Variants in PSMD14 observed in about 807,000 individuals in gnomAD.
PSMD14 encodes the protein proteasome 26S subunit, non-ATPase 14.
In PSMD14, 7 loss-of-function variants were observed where a neutral mutation model predicts 41.2. That is an observed-to-expected ratio of 0.17 (90% CI 0.10 to 0.32). PSMD14 has a LOEUF of 0.32. Ranked by LOEUF, PSMD14 falls within the 10% of genes least tolerant of loss-of-function variation. The pLI is 1.00. For synonymous variants in PSMD14, 114 were observed against 122.3 expected (o/e 0.93, Z 0.45); for missense variants, 139 against 375.6 (o/e 0.37, Z 5.21).
rs761463053 is a variant in PSMD14 at position 161,411,432 on chromosome 2, A to G, written c.*32A>G. The G allele has an allele frequency of 6.8e-7, 1 of 1,463,558 alleles. No homozygotes were observed. Among genetic ancestry groups the G allele is most frequent in the East Asian group, 2.3e-5 (1 of 43,200 alleles). 90.7% of individuals were successfully genotyped at this position (1,463,558 alleles called of 1,614,324 possible). A position where few individuals can be genotyped will look rare whatever the true frequency, so the allele number is the denominator to read the frequency against. On this transcript the variant is annotated 3_prime_UTR_variant, in exon 12 of 12. Coordinates refer to ENST00000409682, the MANE Select transcript of PSMD14 (RefSeq NM_005805.6). ...GAAAAACGCTATTAATGATGCCTTC[A>G]GTGTATATTCCTCTGTTGTTCCTAA...
chr2:161,338,395 G>C (rs1324249675), intron 3 of PSMD14, among the ~76,000 whole-genome samples: 1 of 150,252 alleles, frequency 6.7e-6, no homozygotes, highest in Non-Finnish European at 1.5e-5. Flanking sequence ...TTTTATTTGG[G>C]CCTTTCTGAA....
intron 3 of PSMD14, among the ~76,000 whole-genome samples, chr2:161,346,048 A>AT (rs748272236): frequency 6.6e-6 from 1 of 151,926 alleles, no homozygotes; most frequent in Non-Finnish European, 1.5e-5. Flanking sequence ...CTCTCAGCTA[A>AT]TTTTTTGTAT....
intron 1 of PSMD14, among the ~76,000 whole-genome samples, chr2:161,313,598 C>T (rs149345050): frequency 0.033 from 4,986 of 152,284 alleles, 145 homozygotes; most frequent in Non-Finnish European, 0.051. Context: ...GATCTGCCTG[C>T]GTTGGCCTCC....
intron 8 of PSMD14, among the ~76,000 whole-genome samples, chr2:161,386,185 T>C (rs1683633307): frequency 6.6e-6 from 1 of 151,886 alleles, no homozygotes; most frequent in South Asian, 2.1e-4. Context: ...ATCATTCACA[T>C]GCCATGGTGT....
chr2:161,404,398 TCATAAGC>T (rs1559056363), intron 10 of PSMD14, among the ~76,000 whole-genome samples: 1 of 152,204 alleles, frequency 6.6e-6, no homozygotes, highest in Non-Finnish European at 1.5e-5. Flanking sequence ...AAGTGGCCAA[TCATAAGC>T]ACTGTTATTA....
intron 8 of PSMD14, among the ~76,000 whole-genome samples, chr2:161,389,312 C>G (rs577068669): frequency 6.6e-6 from 1 of 152,192 alleles, no homozygotes; most frequent in Non-Finnish European, 1.5e-5. Flanking sequence ...GCTCAAGCTC[C>G]ACTCTCTACG....
chr2:161,403,391 G>A (rs1683907405), intron 10 of PSMD14, among the ~76,000 whole-genome samples: 3 of 152,192 alleles, frequency 2.0e-5, no homozygotes, highest in Admixed American at 2.0e-4. Context: ...ACTTGGGCAA[G>A]GCAGGAATGG....
intron 10 of PSMD14, among the ~76,000 whole-genome samples, chr2:161,407,112 G>A (rs1218407555): frequency 6.6e-6 from 1 of 152,084 alleles, no homozygotes; most frequent in Non-Finnish European, 1.5e-5. Context: ...TGGGTATGGA[G>A]TACAAACTTA....
intron 6 of PSMD14, 82 bp from the exon 7 acceptor site, chr2:161,371,090 C>T: frequency 7.8e-6 from 11 of 1,405,456 alleles, no homozygotes; most frequent in South Asian, 7.1e-5. Flanking sequence ...TAATTTATAC[C>T]CCGTTAGTGT....
chr2:161,309,177 G>A (rs558169716), intron 1 of PSMD14, among the ~76,000 whole-genome samples: 62 of 152,254 alleles, frequency 4.1e-4, no homozygotes, highest in African/African-American at 1.4e-3. Context: ...TACTAATTGA[G>A]TAATTGTTGG....
intron 3 of PSMD14, among the ~76,000 whole-genome samples, chr2:161,347,271 C>T (rs964517032): frequency 4.6e-5 from 7 of 152,082 alleles, no homozygotes; most frequent in Non-Finnish European, 1.0e-4. Flanking sequence ...GTTTCTGTTA[C>T]TCTATCTGTC....
intron 3 of PSMD14, among the ~76,000 whole-genome samples, chr2:161,351,662 CT>C (rs1229674250): frequency 1.3e-5 from 2 of 152,148 alleles, no homozygotes; most frequent in African/African-American, 4.8e-5. Context: ...CAGGAATAAC[CT>C]CCAAATCTCA....
At chr2:161,406,655 G>T (rs779553051) in intron 10 of PSMD14, among the ~76,000 whole-genome samples, 6 of 152,132 alleles carry the variant, frequency 3.9e-5, no homozygotes, top group Non-Finnish European at 8.8e-5. Context: ...GAATTGAAGA[G>T]ATATGCTTAC....
intron 3 of PSMD14, among the ~76,000 whole-genome samples, chr2:161,329,620 T>G (rs1316709155): frequency 6.6e-6 from 1 of 152,170 alleles, no homozygotes; most frequent in African/African-American, 2.4e-5. Context: ...CGAAAAATTT[T>G]AATTGTTTTA....
chr2:161,408,672 C>T (rs1683986348), intron 10 of PSMD14, 165 bp from the exon 11 acceptor site: 4 of 545,714 alleles, frequency 7.3e-6, no homozygotes, highest in South Asian at 6.5e-5. Context: ...TTTTATTGCC[C>T]TGAAGGTTAT....
chr2:161,311,223 C>T (rs543656981), intron 1 of PSMD14, among the ~76,000 whole-genome samples: 35 of 152,112 alleles, frequency 2.3e-4, no homozygotes, highest in African/African-American at 8.0e-4. Context: ...GAAGGAGAAT[C>T]GTTTGAACCT....
intron 3 of PSMD14, among the ~76,000 whole-genome samples, chr2:161,323,291 C>G (rs1450163051): frequency 2.0e-5 from 3 of 152,146 alleles, no homozygotes; most frequent in Admixed American, 2.0e-4. Context: ...TTTTATCATG[C>G]TGTCTTTTCC....
intron 3 of PSMD14, chr2:161,340,869 T>A: frequency 6.2e-7 from 1 of 1,613,982 alleles, no homozygotes; most frequent in Non-Finnish European, 8.5e-7. Flanking sequence ...CATCTTCTCG[T>A]ACTGGTTTCC....
chr2:161,383,891 C>A (rs1465784205), intron 7 of PSMD14: 1 of 151,458 alleles, frequency 6.6e-6, no homozygotes, highest in Non-Finnish European at 1.5e-5. Flanking sequence ...AATTTTACTT[C>A]TATATTTTTA....
Sources: gnomAD v4.1 joint callset for allele counts (sites outside exome capture counted in the v4.1 genomes callset) on GRCh38, gnomAD v4.1.1 for gene constraint, MANE v1.5 for transcripts, NCBI Gene and HGNC (gene_info 2026-07-23, HGNC 2026-07-21) for gene names.